The following DPF3 variants were observed in gnomAD, a reference collection of about 807,000 sequenced individuals.
DPF3 encodes the protein zinc finger protein DPF3.
Under a neutral mutation model 56.8 loss-of-function variants are expected in DPF3, and 18 were observed. The observed-to-expected ratio is 0.32, with a 90% CI of 0.22 to 0.47. The LOEUF (loss-of-function observed/expected upper bound fraction) is 0.47. Among genes scored for constraint, DPF3 ranks in the 20% least tolerant of loss-of-function variants. The pLI is 1.00. For missense variants in DPF3, 403 were observed against 488.8 expected (o/e 0.82, Z 1.65); for synonymous variants, 188 against 180.2 (o/e 1.04, Z -0.35).
chr14:72,813,489 GCAA>G (rs1883150947), intron 1 of DPF3, among the ~76,000 whole-genome samples: 1 of 152,178 alleles, frequency 6.6e-6, no homozygotes, highest in African/African-American at 2.4e-5. Flanking sequence ...CCAGCCCACA[GCAA>G]CGAGAGAGTT....
At chr14:72,869,927 A>C (rs938017268) in intron 1 of DPF3, among the ~76,000 whole-genome samples, 1 of 152,014 alleles carries the variant, frequency 6.6e-6, no homozygotes, top group Non-Finnish European at 1.5e-5. Context: ...GAAGATTCAG[A>C]GCAGTCAGTT....
chr14:72,840,683 G>A (rs1884509945), intron 1 of DPF3, among the ~76,000 whole-genome samples: 1 of 152,198 alleles, frequency 6.6e-6, no homozygotes, highest in South Asian at 2.1e-4. Flanking sequence ...TATAATTCAT[G>A]ATATAAAGGT....
intron 1 of DPF3, among the ~76,000 whole-genome samples, chr14:72,809,279 CACAG>C (rs1213531047): frequency 6.6e-6 from 1 of 152,264 alleles, no homozygotes; most frequent in Non-Finnish European, 1.5e-5. Context: ...ATTACAGCAA[CACAG>C]ACAGACACTC....
chr14:72,653,982 G>A lies in DPF3; in HGVS notation c.871+20258C>T, dbSNP rs574918108. On this transcript the variant is annotated intron_variant, in intron 8 of 10. Coordinates refer to ENST00000556509, the MANE Select transcript of DPF3 (RefSeq NM_001280542.3). ...ATAAGGTCTAGGATCCTATAACCAC[G>A]ACAGGATCAGAGGCAACCTGGTGGT... Among the ~76,000 whole-genome samples, 16 of 152,244 alleles carry A rather than the reference G, an allele frequency of 1.1e-4. No homozygotes were observed. The East Asian group carries it at 2.5e-3, about 24-fold the overall frequency.
At chr14:72,646,074 C>T (rs1248441829) in intron 8 of DPF3, among the ~76,000 whole-genome samples, 1 of 152,174 alleles carries the variant, frequency 6.6e-6, no homozygotes, top group East Asian at 1.9e-4. Flanking sequence ...AAACTCACTC[C>T]CTTTCTGGGA....
intron 3 of DPF3, among the ~76,000 whole-genome samples, chr14:72,743,491 G>A (rs771037440): frequency 2.0e-5 from 3 of 151,932 alleles, no homozygotes; most frequent in Admixed American, 2.0e-4. Flanking sequence ...CATGGGGACC[G>A]AAGGTCTGGG....
intron 2 of DPF3, among the ~76,000 whole-genome samples, chr14:72,764,992 G>A (rs1891215891): frequency 1.3e-5 from 2 of 152,220 alleles, no homozygotes; most frequent in Admixed American, 1.3e-4. Flanking sequence ...GAGTTAAACT[G>A]TGGAACACCC....
At chr14:72,822,528 A>C (rs952570092) in intron 1 of DPF3, among the ~76,000 whole-genome samples, 1 of 152,256 alleles carries the variant, frequency 6.6e-6, no homozygotes, top group Admixed American at 6.5e-5. Context: ...ACATCACCAG[A>C]AAGATACAGA....
intron 8 of DPF3, among the ~76,000 whole-genome samples, chr14:72,630,308 T>A (rs11848404): frequency 0.042 from 6,398 of 152,264 alleles, 240 homozygotes; most frequent in East Asian, 0.11. Flanking sequence ...AAAGTTCATA[T>A]CCTGAACAGT....
chr14:72,698,844 C>G (rs1337991256), intron 6 of DPF3, among the ~76,000 whole-genome samples: 1 of 146,772 alleles, frequency 6.8e-6, no homozygotes, highest in South Asian at 2.2e-4. Context: ...ATCTCTCCCA[C>G]TGGCAGCAAG....
intron 6 of DPF3, among the ~76,000 whole-genome samples, chr14:72,698,505 C>A (rs1013257120): frequency 6.6e-6 from 1 of 151,324 alleles, no homozygotes; most frequent in African/African-American, 2.4e-5. Flanking sequence ...ATGGTCTCTA[C>A]AAAAAATACA....
At chr14:72,683,599 C>G (rs567354575) in intron 7 of DPF3, among the ~76,000 whole-genome samples, 38 of 152,286 alleles carry the variant, frequency 2.5e-4, no homozygotes, top group African/African-American at 9.1e-4. Flanking sequence ...TGCAGCTCAG[C>G]TAAGGTCACA....
intron 1 of DPF3, among the ~76,000 whole-genome samples, chr14:72,893,560 C>T (rs1175992000): frequency 2.0e-5 from 3 of 152,042 alleles, no homozygotes; most frequent in Non-Finnish European, 2.9e-5. Context: ...GGAGCCTCCG[C>T]GGTCCGTCCG....
At chr14:72,627,789 A>G (rs1884920747) in intron 9 of DPF3, among the ~76,000 whole-genome samples, 1 of 152,118 alleles carries the variant, frequency 6.6e-6, no homozygotes. Flanking sequence ...AGATCATAGG[A>G]TGCCTTTCAA....
At chr14:72,723,587 C>G in intron 5 of DPF3, 46 bp downstream of exon 5, 17 of 1,510,376 alleles carry the variant, frequency 1.1e-5, no homozygotes, top group Non-Finnish European at 1.5e-5. Flanking sequence ...GCCGGGCACC[C>G]CAGCCTCCCT....
At chr14:72,768,362 G>T (rs1355975918) in intron 2 of DPF3, among the ~76,000 whole-genome samples, 1 of 152,184 alleles carries the variant, frequency 6.6e-6, no homozygotes. Flanking sequence ...ATATTATAAA[G>T]GGAGGAGGGT....
chr14:72,828,537 T>TAAAAAAAAAAAAAAAAAAAAAAAA (rs3058950), intron 1 of DPF3, among the ~76,000 whole-genome samples: 10 of 86,980 alleles, frequency 1.1e-4, no homozygotes, highest in East Asian at 3.2e-4. Flanking sequence ...GACCATGTCT[T>TAAAAAAAAAAAAAAAAAAAAAAAA]AAAAAAAAAA....
At chr14:72,662,250 A>T in intron 8 of DPF3, 1 of 985,394 alleles carries the variant, frequency 1.0e-6, no homozygotes, top group Non-Finnish European at 1.2e-6. Flanking sequence ...AGCCTGAGAG[A>T]GCAGAGTTGA....
At chr14:72,759,880 GA>G (rs1188467190) in intron 2 of DPF3, among the ~76,000 whole-genome samples, 5 of 150,790 alleles carry the variant, frequency 3.3e-5, no homozygotes, top group Middle Eastern at 6.8e-3. Context: ...TACTGAAAGG[GA>G]AAAAAAAACT....
Sources: gnomAD v4.1 joint callset for allele counts (sites outside exome capture counted in the v4.1 genomes callset) on GRCh38, gnomAD v4.1.1 for gene constraint, MANE v1.5 for transcripts, NCBI Gene and HGNC (gene_info 2026-07-23, HGNC 2026-07-21) for gene names.